Variants in DTNA observed in about 807,000 individuals in gnomAD.
DTNA encodes dystrophin-related protein 3.
DTNA carries 43 observed loss-of-function variants against 100.7 expected under a neutral mutation model. The observed-to-expected ratio is 0.43, with a 90% CI of 0.33 to 0.55. DTNA has a LOEUF of 0.55. Among genes scored for constraint, DTNA ranks in the 20% least tolerant of loss-of-function variants. The pLI is 0.04. For synonymous variants in DTNA, 349 were observed against 347.9 expected (o/e 1.00, Z -0.04); for missense variants, 798 against 953.9 (o/e 0.84, Z 2.15).
rs529807567 is a variant in DTNA at position 34,821,116 on chromosome 18, A to C, written c.1001+201A>C. 5.5e-6 allele frequency: 4 copies of C among 732,172 alleles called. No homozygotes were observed. The South Asian group carries it at 5.9e-5, about 11-fold the overall frequency. The allele number at this position is 732,172 out of a possible 1,614,324, so 45.4% of individuals were successfully genotyped here. On this transcript the variant is annotated intron_variant, in intron 9 of 22. Coordinates refer to ENST00000444659, the MANE Select transcript of DTNA (RefSeq NM_001386795.1). ...TTCCACCAGGCTGGACAAGTAAAGT[A>C]TGCAACACTAACATAATTCACCTGG...
intron 1 of DTNA, among the ~76,000 whole-genome samples, chr18:34,672,001 A>G (rs891015979): frequency 6.6e-6 from 1 of 152,186 alleles, no homozygotes; most frequent in African/African-American, 2.4e-5. Context: ...CTAACCTTTG[A>G]CACATTTTTA....
chr18:34,726,990 C>T (rs576210396), intron 1 of DTNA, among the ~76,000 whole-genome samples: 2 of 152,364 alleles, frequency 1.3e-5, no homozygotes, highest in East Asian at 3.9e-4. Context: ...TAGGTGGAAG[C>T]TGCCAAGCCT....
chr18:34,538,254 G>A (rs2043912346), intron 1 of DTNA, among the ~76,000 whole-genome samples: 1 of 152,070 alleles, frequency 6.6e-6, no homozygotes, highest in Non-Finnish European at 1.5e-5. Context: ...CAGACCTACT[G>A]AAACAGACAC....
At chr18:34,506,698 G>T (rs1227513889) in intron 1 of DTNA, among the ~76,000 whole-genome samples, 2 of 152,244 alleles carry the variant, frequency 1.3e-5, no homozygotes, top group East Asian at 1.9e-4. Flanking sequence ...TTAGCCCCAA[G>T]AATTGGATAT....
In DTNA at chr18:34,558,336, G is replaced by A. The variant is rs150849509; in HGVS notation, c.-2+64822G>A. On this transcript the variant is annotated intron_variant, in intron 1 of 19. Coordinates refer to the DTNA transcript ENST00000283365. ...GCAGAAATCACCCGTCTTCTGCGTC[G>A]CTCACCCTGGGAGCTGTAGACTGGA... Among the ~76,000 whole-genome samples the A allele has an allele frequency of 1.7e-3, 257 of 152,274 alleles. 3 individuals carry two copies. In the East Asian group the frequency reaches 0.034, roughly 20 times the overall value.
At chr18:34,753,634 G>A (rs927770935) in intron 1 of DTNA, among the ~76,000 whole-genome samples, 5 of 151,060 alleles carry the variant, frequency 3.3e-5, no homozygotes, top group Non-Finnish European at 5.9e-5. Flanking sequence ...CGCCCGCCTC[G>A]GCCTCCCAAA....
intron 1 of DTNA, among the ~76,000 whole-genome samples, chr18:34,611,891 A>C (rs1156287078): frequency 6.6e-6 from 1 of 152,224 alleles, no homozygotes; most frequent in Non-Finnish European, 1.5e-5. Context: ...GCAGGCGTGC[A>C]GCACATCACA....
chr18:34,725,231 G>A (rs112983936), intron 1 of DTNA, among the ~76,000 whole-genome samples: 1 of 151,892 alleles, frequency 6.6e-6, no homozygotes, highest in African/African-American at 2.4e-5. Flanking sequence ...ACAACAAAAG[G>A]CAAAATAGAC....
chr18:34,778,051 C>A (rs1478349945), intron 3 of DTNA, among the ~76,000 whole-genome samples: 1 of 152,158 alleles, frequency 6.6e-6, no homozygotes, highest in East Asian at 1.9e-4. Flanking sequence ...TGACAAAACC[C>A]ATTACAGAGA....
intron 1 of DTNA, among the ~76,000 whole-genome samples, chr18:34,747,947 C>T (rs1370997971): frequency 6.6e-6 from 1 of 152,062 alleles, no homozygotes; most frequent in Non-Finnish European, 1.5e-5. Context: ...AAATTGTTCC[C>T]TTTCACCCCA....
chr18:34,880,521 G>A (rs2096862495), intron 20 of DTNA, among the ~76,000 whole-genome samples: 1 of 152,198 alleles, frequency 6.6e-6, no homozygotes, highest in Admixed American at 6.5e-5. Context: ...CCAAAAGCTG[G>A]GGGAGGGAGT....
In DTNA at chr18:34,888,304, A is replaced by T. The variant is rs996600210; in HGVS notation, c.*570A>T. On this transcript the variant is annotated 3_prime_UTR_variant, in exon 23 of 23. Transcript: ENST00000444659. Reference sequence around the variant, plus strand: ...CAATTGGAAAAAAACAACCACTTGCAATCATTCAATAACCCTGAAGAATTT... The same window carrying T: ...CAATTGGAAAAAAACAACCACTTGCTATCATTCAATAACCCTGAAGAATTT... 2.0e-6 allele frequency: 2 copies of T among 985,718 alleles called. No homozygotes were observed. The highest frequency in any genetic ancestry group is 3.5e-5 in the African/African-American group (2 of 57,224). 61.1% of individuals were successfully genotyped at this position (985,718 alleles called of 1,614,324 possible). A position where few individuals can be genotyped will look rare whatever the true frequency, so the allele number is the denominator to read the frequency against.
chr18:34,829,337 C>A, intron 10 of DTNA, 63 bp from the exon 11 acceptor site: 1 of 1,529,832 alleles, frequency 6.5e-7, no homozygotes, highest in Non-Finnish European at 8.7e-7. Flanking sequence ...TCTTTCCTCT[C>A]TGAGTGGGCC....
chr18:34,839,917 G>T (rs890078728), intron 13 of DTNA, among the ~76,000 whole-genome samples: 1 of 152,158 alleles, frequency 6.6e-6, no homozygotes, highest in South Asian at 2.1e-4. Flanking sequence ...TTCCTCAGAT[G>T]CTAGGCCATT....
At chr18:34,868,686 T>C in intron 17 of DTNA, 1 of 985,444 alleles carries the variant, frequency 1.0e-6, no homozygotes, top group Non-Finnish European at 1.2e-6. Context: ...ACATTGTTTC[T>C]TGTTAGAGGT....
chr18:34,556,053 C>G (rs2046002749), intron 1 of DTNA, among the ~76,000 whole-genome samples: 1 of 150,848 alleles, frequency 6.6e-6, no homozygotes, highest in South Asian at 2.1e-4. Flanking sequence ...TCTGGGTGCT[C>G]CTGTATTGGG....
At chr18:34,621,411 A>G (rs1319082352) in intron 1 of DTNA, among the ~76,000 whole-genome samples, 1 of 152,090 alleles carries the variant, frequency 6.6e-6, no homozygotes, top group Non-Finnish European at 1.5e-5. Flanking sequence ...ACAAAAGTCA[A>G]GATATGGAAT....
At chr18:34,735,602 T>G (rs1189060225) in intron 1 of DTNA, among the ~76,000 whole-genome samples, 1 of 152,180 alleles carries the variant, frequency 6.6e-6, no homozygotes, top group East Asian at 1.9e-4. Context: ...ATTGCATTAT[T>G]TCATTGCCTG....
intron 1 of DTNA, among the ~76,000 whole-genome samples, chr18:34,630,683 G>T (rs1220003763): frequency 1.3e-5 from 2 of 152,128 alleles, no homozygotes; most frequent in Non-Finnish European, 2.9e-5. Context: ...GATTTAGAGA[G>T]GAGCAAGAAG....
Sources: allele counts gnomAD v4.1 joint callset (sites outside exome capture counted in the v4.1 genomes callset), GRCh38; gene constraint gnomAD v4.1.1; transcripts MANE v1.5; gene names NCBI Gene and HGNC (gene_info 2026-07-23, HGNC 2026-07-21).